The following ITPR1 variants were observed in gnomAD, a reference collection of about 807,000 sequenced individuals.
ITPR1 encodes inositol 1,4,5-trisphosphate-gated calcium channel ITPR1.
ITPR1 carries 96 observed loss-of-function variants against 318.4 expected under a neutral mutation model. The observed-to-expected ratio is 0.30, with a 90% CI of 0.26 to 0.36. ITPR1 has a LOEUF of 0.36. ITPR1 is among the 10% of genes least tolerant of loss of function. The pLI, the probability that ITPR1 is intolerant of heterozygous loss-of-function variation, is 1.00. For missense variants in ITPR1, 2,440 were observed against 3,460.2 expected, an observed-to-expected ratio of 0.71 and a Z score of 7.40; for synonymous variants, 1,312 against 1,289.9, an observed-to-expected ratio of 1.02 and a Z score of -0.37.
At chr3:4,594,925 A>T (rs2090682309) in intron 4 of ITPR1, among the ~76,000 whole-genome samples, 1 of 111,272 alleles carries the variant, frequency 9.0e-6, no homozygotes, top group Non-Finnish European at 2.0e-5. Context: ...CTGGATGAGG[A>T]GGGGGAAGTA....
intron 2 of ITPR1, among the ~76,000 whole-genome samples, chr3:4,508,364 A>G (rs939917786): frequency 3.9e-5 from 6 of 151,986 alleles, no homozygotes; most frequent in African/African-American, 1.2e-4. Flanking sequence ...TCCCTTAGGT[A>G]ACTTATTGGT....
At chr3:4,540,753 T>G (rs1466620133) in intron 4 of ITPR1, among the ~76,000 whole-genome samples, 2 of 152,112 alleles carry the variant, frequency 1.3e-5, no homozygotes, top group Non-Finnish European at 2.9e-5. Context: ...TTTTTGTATT[T>G]TTAGTAGAGA....
intron 4 of ITPR1, among the ~76,000 whole-genome samples, chr3:4,584,484 C>T (rs903996072): frequency 4.0e-5 from 6 of 151,360 alleles, no homozygotes; most frequent in Non-Finnish European, 5.9e-5. Context: ...AACGGGGAAG[C>T]GGGGAGGAGA....
intron 42 of ITPR1, among the ~76,000 whole-genome samples, chr3:4,729,442 C>T (rs903002526): frequency 5.3e-5 from 8 of 152,158 alleles, no homozygotes; most frequent in Non-Finnish European, 8.8e-5. Context: ...ACCCTCATGC[C>T]GACTAAGGTG....
chr3:4,584,214 T>G (rs2089644832), intron 4 of ITPR1, among the ~76,000 whole-genome samples: 1 of 152,234 alleles, frequency 6.6e-6, no homozygotes, highest in African/African-American at 2.4e-5. Context: ...GTTCATTATG[T>G]ATGAAGTCAT....
chr3:4,719,663 A>T (rs986190615), intron 40 of ITPR1, among the ~76,000 whole-genome samples: 4 of 152,210 alleles, frequency 2.6e-5, no homozygotes, highest in African/African-American at 4.8e-5. Context: ...TTGATGTGCA[A>T]TTAATGACTT....
intron 11 of ITPR1, among the ~76,000 whole-genome samples, chr3:4,653,167 G>T (rs1457793270): frequency 6.6e-6 from 1 of 152,180 alleles, no homozygotes; most frequent in East Asian, 1.9e-4. Flanking sequence ...TTCTAGTCGT[G>T]CATCAAAAGA....
chr3:4,518,592 C>T (rs1344733809), intron 3 of ITPR1, among the ~76,000 whole-genome samples: 1 of 152,050 alleles, frequency 6.6e-6, no homozygotes, highest in Non-Finnish European at 1.5e-5. Context: ...GAGTGAGTGC[C>T]AGTCGTTATG....
chr3:4,702,323 G>T (rs951909408), intron 35 of ITPR1, among the ~76,000 whole-genome samples: 1 of 152,220 alleles, frequency 6.6e-6, no homozygotes, highest in Non-Finnish European at 1.5e-5. Flanking sequence ...AAATAAAGAA[G>T]TAGCAGTCGA....
chr3:4,658,013 C>A, intron 12 of ITPR1, 111 bp from the exon 13 acceptor site: 1 of 1,052,826 alleles, frequency 9.5e-7, no homozygotes, highest in Non-Finnish European at 1.4e-6. Context: ...TTCCTGCCAA[C>A]TGCTGACATT....
At chr3:4,686,762 G>T (rs201267297) in intron 30 of ITPR1, among the ~76,000 whole-genome samples, 1 of 152,190 alleles carries the variant, frequency 6.6e-6, no homozygotes, top group Non-Finnish European at 1.5e-5. Context: ...GGAAAAATCC[G>T]CTTCACACCA....
At chr3:4,754,941 G>A (rs908823317) in intron 44 of ITPR1, among the ~76,000 whole-genome samples, 4 of 152,178 alleles carry the variant, frequency 2.6e-5, no homozygotes, top group Non-Finnish European at 4.4e-5. Flanking sequence ...CGGCTGTGCC[G>A]TGTATCCCCA....
chr3:4,546,590 C>A (rs1158832990), intron 4 of ITPR1, among the ~76,000 whole-genome samples: 1 of 152,240 alleles, frequency 6.6e-6, no homozygotes, highest in East Asian at 1.9e-4. Context: ...CTGCCTTCAG[C>A]CACAGAAGTC....
At chr3:4,724,747 A>G (rs950659823) in intron 40 of ITPR1, among the ~76,000 whole-genome samples, 3 of 152,076 alleles carry the variant, frequency 2.0e-5, no homozygotes, top group African/African-American at 7.2e-5. Context: ...TAGCCCCTGC[A>G]TGCCCTCTCA....
rs73098077 is a variant in ITPR1 at position 4,830,833 on chromosome 3, A to G, written c.8029-5941A>G. 6.0e-3 allele frequency: 2,594 copies of G among 433,206 alleles called. 63 individuals are homozygous for G. The highest frequency in any genetic ancestry group is 0.05 in the African/African-American group (2,419 of 48,656). 26.8% of individuals were successfully genotyped at this position (433,206 alleles called of 1,614,324 possible). On this transcript the variant is annotated intron_variant, in intron 60 of 61. Transcript: ENST00000649015. ...TCTAGGACCCATCTTCTCCCCCATGACCCTTTCTTTTGCCCTCAAGCCCCC... is the reference window on the plus strand; with the variant it reads ...TCTAGGACCCATCTTCTCCCCCATGGCCCTTTCTTTTGCCCTCAAGCCCCC...
intron 37 of ITPR1, among the ~76,000 whole-genome samples, chr3:4,706,755 A>G (rs1165964089): frequency 6.6e-6 from 1 of 152,234 alleles, no homozygotes; most frequent in Non-Finnish European, 1.5e-5. Flanking sequence ...AGAATTTTAC[A>G]TCAGAATGAG....
intron 33 of ITPR1, 53 bp downstream of exon 33, chr3:4,693,794 G>A (rs1253631790): frequency 1.7e-5 from 26 of 1,548,776 alleles, no homozygotes; most frequent in Non-Finnish European, 2.3e-5. Context: ...GGTGTGTGCT[G>A]TCGTGGCTCA....
intron 4 of ITPR1, among the ~76,000 whole-genome samples, chr3:4,567,008 A>T (rs1481761527): frequency 2.0e-5 from 3 of 152,238 alleles, no homozygotes; most frequent in African/African-American, 7.2e-5. Flanking sequence ...TGGCAGTGCC[A>T]CTTATGACTT....
rs142158895 is a variant in ITPR1 at position 4,711,622 on chromosome 3, C to T, written c.4992-135C>T. The T allele has an allele frequency of 1.4e-3, 858 of 631,708 alleles. 10 individuals carry two copies. In the East Asian group the frequency reaches 0.021, roughly 16 times the overall value. The allele number at this position is 631,708 out of a possible 1,614,324, so 39.1% of individuals were successfully genotyped here. On this transcript the variant is annotated intron_variant, in intron 38 of 61. Transcript: ENST00000649015. ...GGCTGTTCTCAGTGCAGGGAATGCC[C>T]TGAAGTATCTTTAACCTGAGAGCTC...
Sources: allele counts gnomAD v4.1 joint callset (sites outside exome capture counted in the v4.1 genomes callset), GRCh38; gene constraint gnomAD v4.1.1; transcripts MANE v1.5; gene names NCBI Gene and HGNC (gene_info 2026-07-23, HGNC 2026-07-21).